The following PHEX variants were observed in gnomAD, a reference collection of about 807,000 sequenced individuals.
PHEX encodes phosphate regulating endopeptidase X-linked.
A neutral mutation model predicts 68.0 loss-of-function variants in PHEX; 16 were observed. The observed-to-expected ratio is 0.24, with a 90% CI of 0.16 to 0.36. The LOEUF (loss-of-function observed/expected upper bound fraction) is 0.36, where lower values mean the gene tolerates loss of function less well. Among genes scored for constraint, PHEX ranks in the 10% least tolerant of loss-of-function variants. The pLI, the probability that PHEX is intolerant of heterozygous loss-of-function variation, is 1.00. For synonymous variants in PHEX, 208 were observed against 205.1 expected, an observed-to-expected ratio of 1.01 and a Z score of -0.12; for missense variants, 480 against 575.5, an observed-to-expected ratio of 0.83 and a Z score of 1.70.
chrX:22,221,958 C>CTGAT (rs1257105918), intron 18 of PHEX, among the ~76,000 whole-genome samples: 1 of 112,028 alleles, frequency 8.9e-6, no homozygotes, highest in African/African-American at 3.2e-5. Context: ...GAACTTTTTC[C>CTGAT]TGATATATTA....
intron 15 of PHEX, among the ~76,000 whole-genome samples, 181 bp downstream of exon 15, chrX:22,190,683 T>C (rs1274500804): frequency 8.9e-6 from 1 of 112,055 alleles, no homozygotes; most frequent in African/African-American, 3.3e-5. Flanking sequence ...CCTTACCAGT[T>C]TTTTTTAAAG....
At chrX:22,090,518 A>G (rs761216664) in intron 6 of PHEX, 21 bp downstream of exon 6, 3 of 1,096,771 alleles carry the variant, frequency 2.7e-6, no homozygotes, top group Non-Finnish European at 3.8e-6. Context: ...CTCATATTCA[A>G]CTATGTGCCT....
intron 11 of PHEX, 89 bp from the exon 12 acceptor site, chrX:22,133,434 T>C: frequency 1.6e-6 from 1 of 638,151 alleles, no homozygotes; most frequent in Admixed American, 2.3e-5. Context: ...GAGTAAAGAG[T>C]CATTTCTCAT....
Position 22,090,438 on chromosome X carries a change from G to A in PHEX, c.673G>A (p.Ala225Thr), listed in dbSNP as rs749327791. The A allele has an allele frequency of 1.6e-5, 19 of 1,206,913 alleles. No homozygotes were observed. The highest frequency in any genetic ancestry group is 4.5e-6 in the Non-Finnish European group (4 of 892,361). ...GTTTTTGTTTTTACAGCTGGACCAA[G>A]CAACACTCTCCCTGGCCGTGAGGGA... Reference protein sequence around the residue: ...SNEHILKLDQATLSLAVREDY... With the variant: ...SNEHILKLDQTTLSLAVREDY... Residue 225 changes from alanine (A) to threonine (T), a missense_variant, in exon 6 of 22, where the codon GCA (alanine) becomes ACA (threonine). Transcript: ENST00000379374.
intron 9 of PHEX, among the ~76,000 whole-genome samples, chrX:22,105,358 C>T (rs1406840388): frequency 8.9e-6 from 1 of 112,349 alleles, no homozygotes; most frequent in Non-Finnish European, 1.9e-5. Context: ...CCTGACACGC[C>T]TCAGAATCCC....
At chrX:22,093,878 TA>T in intron 6 of PHEX, 104 bp from the exon 7 acceptor site, 1 of 535,482 alleles carries the variant, frequency 1.9e-6, no homozygotes, top group Non-Finnish European at 3.4e-6. Flanking sequence ...AGAGTGAAAA[TA>T]AAAGACATTT....
intron 16 of PHEX, 141 bp downstream of exon 16, chrX:22,213,099 C>A: frequency 1.9e-6 from 1 of 525,632 alleles, no homozygotes; most frequent in South Asian, 2.6e-5. Context: ...GTACTCTTAT[C>A]ATTTTAGGTA....
At chrX:22,128,030 G>A (rs1211647689) in intron 11 of PHEX, among the ~76,000 whole-genome samples, 2 of 111,803 alleles carry the variant, frequency 1.8e-5, no homozygotes, top group East Asian at 5.6e-4. Context: ...CCAATCAATG[G>A]GTTACAGACA....
At chrX:22,093,938 C>T (rs752863751) in intron 6 of PHEX, 45 bp from the exon 7 acceptor site, 1 of 802,178 alleles carries the variant, frequency 1.2e-6, no homozygotes, top group Non-Finnish European at 1.9e-6. Flanking sequence ...AACATATTTC[C>T]TAAGAAGCTA....
intron 3 of PHEX, among the ~76,000 whole-genome samples, chrX:22,053,158 A>C (rs1272773488): frequency 8.9e-6 from 1 of 112,045 alleles, no homozygotes; most frequent in Non-Finnish European, 1.9e-5. Flanking sequence ...AAATGCTTTA[A>C]GTTTTATTCT....
At chrX:22,053,172 A>G (rs765194550) in intron 3 of PHEX, among the ~76,000 whole-genome samples, 1 of 112,083 alleles carries the variant, frequency 8.9e-6, no homozygotes, top group Non-Finnish European at 1.9e-5. Flanking sequence ...TTATTCTGGT[A>G]TTATCCTTTG....
intron 18 of PHEX, among the ~76,000 whole-genome samples, chrX:22,225,372 ATCTT>A (rs1380521739): frequency 6.3e-5 from 7 of 111,278 alleles, no homozygotes; most frequent in African/African-American, 6.6e-5. Flanking sequence ...CTGTGCCTGA[ATCTT>A]TCTTTCTTCG....
intron 7 of PHEX, among the ~76,000 whole-genome samples, chrX:22,096,442 A>G (rs1305476721): frequency 8.9e-6 from 1 of 112,081 alleles, no homozygotes; most frequent in Non-Finnish European, 1.9e-5. Flanking sequence ...GGGCTAGGGA[A>G]ATCTCAAGGC....
chrX:22,156,734 T>A (rs1270113232), intron 12 of PHEX, among the ~76,000 whole-genome samples: 1 of 111,084 alleles, frequency 9.0e-6, no homozygotes, highest in African/African-American at 3.3e-5. Flanking sequence ...AGGCTTAGGG[T>A]ATTCATTTGA....
intron 3 of PHEX, among the ~76,000 whole-genome samples, chrX:22,064,194 T>G (rs769265201): frequency 1.8e-5 from 2 of 111,810 alleles, no homozygotes; most frequent in Non-Finnish European, 3.8e-5. Context: ...GTTTGTTACG[T>G]AGGTAAACTT....
chrX:22,039,017 C>G lies in PHEX; in HGVS notation c.187+480C>G, dbSNP rs536131892. 4.5e-5 allele frequency among the ~76,000 whole-genome samples: 5 copies of G among 112,068 alleles called. No homozygotes were observed. In the East Asian group the frequency reaches 1.4e-3, roughly 31 times the overall value. The stretch of plus-strand genomic sequence containing the variant: ...AAATTGAGACGGAGTCTTGCTCTGT[C>G]GCCCAGGCTGGCACGATCTCAGCTC... On this transcript the variant is annotated intron_variant, in intron 2 of 21. Transcript: ENST00000379374.
intron 12 of PHEX, among the ~76,000 whole-genome samples, chrX:22,159,109 C>CGTGCACG (rs1933034270): frequency 8.8e-6 from 1 of 113,359 alleles, no homozygotes; most frequent in African/African-American, 3.2e-5. Context: ...CTAAGCCGTG[C>CGTGCACG]GTGCACGTGC....
At chrX:22,076,060 C>T in intron 3 of PHEX, among the ~76,000 whole-genome samples, 1 of 112,246 alleles carries the variant, frequency 8.9e-6, no homozygotes, top group Non-Finnish European at 1.9e-5. Context: ...ATTTTTGGTT[C>T]TTGAATAAAT....
At chrX:22,225,736 C>T (rs1055191595) in intron 18 of PHEX, among the ~76,000 whole-genome samples, 2 of 112,320 alleles carry the variant, frequency 1.8e-5, no homozygotes, top group Non-Finnish European at 1.9e-5. Context: ...TCCAGTCTTA[C>T]CTTGAAGCCT....
Sources: gnomAD v4.1 joint callset for allele counts (sites outside exome capture counted in the v4.1 genomes callset) on GRCh38, gnomAD v4.1.1 for gene constraint, MANE v1.5 for transcripts, NCBI Gene and HGNC (gene_info 2026-07-23, HGNC 2026-07-21) for gene names.